The following DYNC1LI1 variants were observed in gnomAD, a reference collection of about 807,000 sequenced individuals.
DYNC1LI1 encodes cytoplasmic dynein 1 light intermediate chain 1.
A neutral mutation model predicts 63.8 loss-of-function variants in DYNC1LI1; 19 were observed. The ratio of observed to expected loss-of-function variants is 0.30; its 90% confidence interval spans 0.21 to 0.44. The LOEUF (loss-of-function observed/expected upper bound fraction) is 0.44. DYNC1LI1 is among the 20% of genes least tolerant of loss of function. The probability of loss-of-function intolerance (pLI) is 1.00; values close to 1 mark genes in which losing one functional copy is unlikely to be tolerated. For missense variants in DYNC1LI1, 565 were observed against 630.2 expected (o/e 0.90, Z 1.11); for synonymous variants, 225 against 232.3 (o/e 0.97, Z 0.28).
At chr3:32,558,589 T>C (rs1468982023) in intron 2 of DYNC1LI1, among the ~76,000 whole-genome samples, 1 of 152,062 alleles carries the variant, frequency 6.6e-6, no homozygotes, top group Non-Finnish European at 1.5e-5. Context: ...CTCACGCCTG[T>C]AATCCCAGCA....
Position 32,570,424 on chromosome 3 carries a change from C to A in DYNC1LI1, c.147-5G>T. 6.3e-7 allele frequency: 1 copy of A among 1,596,920 alleles called. No individual in the cohort carries two copies. The highest frequency in any genetic ancestry group is 8.5e-7 in the Non-Finnish European group (1 of 1,173,624). On this transcript the variant is annotated splice_polypyrimidine_tract_variant and splice_region_variant and intron_variant, in intron 1 of 12. Coordinates refer to ENST00000273130, the MANE Select transcript of DYNC1LI1 (RefSeq NM_016141.4). ...ACCTCGCTGAGGATGCAGGACCTAA[C>A]GGGAAGCAAGGCGTACGGTGAGGCC...
chr3:32,537,981 TAATA>T (rs1196970534), intron 5 of DYNC1LI1, among the ~76,000 whole-genome samples: 3 of 45,310 alleles, frequency 6.6e-5, no homozygotes, highest in East Asian at 5.5e-4. Flanking sequence ...TATTTATATA[TAATA>T]TATATATATA....
intron 5 of DYNC1LI1, among the ~76,000 whole-genome samples, chr3:32,539,576 C>T (rs1376722132): frequency 6.6e-6 from 1 of 151,926 alleles, no homozygotes; most frequent in East Asian, 1.9e-4. Flanking sequence ...GTCTCTGTCG[C>T]CCAGGCTGGA....
chr3:32,534,888 A>T (rs1175270107), intron 6 of DYNC1LI1, among the ~76,000 whole-genome samples: 2 of 152,260 alleles, frequency 1.3e-5, no homozygotes, highest in Admixed American at 6.5e-5. Flanking sequence ...TCATTAAGAC[A>T]AGAAGTAAAG....
At chr3:32,535,594 A>C (rs996957514) in intron 6 of DYNC1LI1, among the ~76,000 whole-genome samples, 2 of 152,222 alleles carry the variant, frequency 1.3e-5, no homozygotes, top group Non-Finnish European at 2.9e-5. Context: ...GACAAACATA[A>C]TCTTAGGCAA....
At chr3:32,557,868 C>G (rs1465386249) in intron 2 of DYNC1LI1, among the ~76,000 whole-genome samples, 1 of 152,144 alleles carries the variant, frequency 6.6e-6, no homozygotes, top group Non-Finnish European at 1.5e-5. Flanking sequence ...CATACAATTA[C>G]GCAAGTAGAG....
At chr3:32,559,329 C>T (rs1414419293) in intron 2 of DYNC1LI1, among the ~76,000 whole-genome samples, 1 of 152,174 alleles carries the variant, frequency 6.6e-6, no homozygotes, top group Non-Finnish European at 1.5e-5. Context: ...CAGCCTCGAT[C>T]TCCTAGGCTC....
intron 2 of DYNC1LI1, among the ~76,000 whole-genome samples, chr3:32,564,696 A>G (rs535613435): frequency 2.2e-4 from 33 of 152,354 alleles, no homozygotes; most frequent in Admixed American, 1.4e-3. Flanking sequence ...AAAAAAGTCA[A>G]TATCATATAT....
chr3:32,541,214 T>C lies in DYNC1LI1; in HGVS notation c.569-8A>G. The C allele has an allele frequency of 6.4e-7, 1 of 1,566,720 alleles. No homozygotes were observed. ...CTTGGAAGTCTCTAATCACTGAAAATCAAAGTAAACACAATTTAGAAATTG... is the reference window on the plus strand; with the variant it reads ...CTTGGAAGTCTCTAATCACTGAAAACCAAAGTAAACACAATTTAGAAATTG... On this transcript the variant is annotated splice_polypyrimidine_tract_variant and splice_region_variant and intron_variant, in intron 4 of 12. Coordinates refer to ENST00000273130, the MANE Select transcript of DYNC1LI1 (RefSeq NM_016141.4).
intron 2 of DYNC1LI1, among the ~76,000 whole-genome samples, chr3:32,548,290 T>A (rs1050107012): frequency 1.3e-5 from 2 of 152,104 alleles, no homozygotes; most frequent in Non-Finnish European, 2.9e-5. Context: ...GCCCAAACCC[T>A]AATGTGAACT....
At chr3:32,544,271 C>G (rs1043682137) in intron 4 of DYNC1LI1, among the ~76,000 whole-genome samples, 1 of 151,994 alleles carries the variant, frequency 6.6e-6, no homozygotes, top group Non-Finnish European at 1.5e-5. Context: ...AGTAAGATTA[C>G]GAATTAAAAA....
chr3:32,540,461 C>T (rs1227520419), intron 5 of DYNC1LI1, among the ~76,000 whole-genome samples: 1 of 151,706 alleles, frequency 6.6e-6, no homozygotes, highest in Non-Finnish European at 1.5e-5. Flanking sequence ...GGGTGGGTCA[C>T]CTGAGGTCAA....
chr3:32,527,966 C>T (rs1316632233), intron 12 of DYNC1LI1, among the ~76,000 whole-genome samples: 2 of 151,000 alleles, frequency 1.3e-5, no homozygotes, highest in East Asian at 1.9e-4. Flanking sequence ...ACTAAAAATA[C>T]AAAAATTAGC....
chr3:32,565,642 ACTCGT>A (rs925174194), intron 2 of DYNC1LI1, among the ~76,000 whole-genome samples: 9 of 151,878 alleles, frequency 5.9e-5, no homozygotes, highest in Admixed American at 1.3e-4. Flanking sequence ...ACAGAGTTTC[ACTCGT>A]CACCCAGGCT....
At chr3:32,537,336 G>A (rs1697788019) in intron 5 of DYNC1LI1, 1 of 244,250 alleles carries the variant, frequency 4.1e-6, no homozygotes, top group East Asian at 7.9e-5. Context: ...GTTAAATCTG[G>A]TCAGAACACC....
chr3:32,570,615 G>A lies in DYNC1LI1; in HGVS notation c.146+10C>T, dbSNP rs1157224332. On this transcript the variant is annotated intron_variant, in intron 1 of 12. Coordinates refer to ENST00000273130, the MANE Select transcript of DYNC1LI1 (RefSeq NM_016141.4). ...GCCAGCGGGGGCTGAGGGAGAGGTG[G>A]AGTCGTTACCAAAGGTTCTGCCCGT... 7 of 1,563,784 alleles carry A rather than the reference G, an allele frequency of 4.5e-6. No homozygotes were observed. The highest frequency in any genetic ancestry group is 6.1e-6 in the Non-Finnish European group (7 of 1,154,220).
At chr3:32,531,959 TGA>T (rs1697703661) in intron 8 of DYNC1LI1, 1 of 152,196 alleles carries the variant, frequency 6.6e-6, no homozygotes, top group South Asian at 2.1e-4. Context: ...CATTTCCTTT[TGA>T]GAGTCATGTT....
intron 4 of DYNC1LI1, among the ~76,000 whole-genome samples, chr3:32,544,362 C>T (rs1176718278): frequency 6.6e-6 from 1 of 152,140 alleles, no homozygotes; most frequent in Non-Finnish European, 1.5e-5. Flanking sequence ...TGAACACACA[C>T]AGCTTTTTGG....
chr3:32,558,701 C>T (rs1286632002), intron 2 of DYNC1LI1, among the ~76,000 whole-genome samples: 2 of 151,912 alleles, frequency 1.3e-5, no homozygotes, highest in African/African-American at 2.4e-5. Context: ...CAAAATTAGC[C>T]GGGTGTGGTG....
Sources: allele counts gnomAD v4.1 joint callset (sites outside exome capture counted in the v4.1 genomes callset), GRCh38; gene constraint gnomAD v4.1.1; transcripts MANE v1.5; gene names NCBI Gene and HGNC (gene_info 2026-07-23, HGNC 2026-07-21).